FAM220A: variants seen among roughly 807,000 people sequenced by gnomAD.
FAM220A encodes protein FAM220A.
For synonymous variants in FAM220A, 141 were observed against 130.7 expected (o/e 1.08, Z -0.54); for missense variants, 392 against 321.6 (o/e 1.22, Z -1.68).
At chr7:6,335,181 G>C (rs1185805556) in intron 1 of FAM220A, among the ~76,000 whole-genome samples, 2 of 151,736 alleles carry the variant, frequency 1.3e-5, no homozygotes, top group African/African-American at 4.8e-5. Flanking sequence ...TCCTGCATCA[G>C]CCTCCCAAGT....
At chr7:6,333,605 C>T (rs1192926900) in intron 1 of FAM220A, among the ~76,000 whole-genome samples, 3 of 151,254 alleles carry the variant, frequency 2.0e-5, no homozygotes, top group Non-Finnish European at 4.4e-5. Flanking sequence ...CTCAAGCAAT[C>T]CTCCTAATTC....
At position 6,331,247 on chromosome 7, in the gene FAM220A, A is replaced by G; in HGVS notation, c.-81-12T>C. Reference sequence around the variant, plus strand: ...ATCTCAATATGAACCTAGGAAAGGGAATCAAATTAAAGTTCTAAAATGAAG... The same window carrying G: ...ATCTCAATATGAACCTAGGAAAGGGGATCAAATTAAAGTTCTAAAATGAAG... On this transcript the variant is annotated splice_polypyrimidine_tract_variant and intron_variant, in intron 1 of 1. Transcript: ENST00000313324. The G allele has an allele frequency of 7.7e-7, 1 of 1,295,030 alleles. No homozygotes were observed. Among genetic ancestry groups the G allele is most frequent in the Non-Finnish European group, 1.1e-6 (1 of 947,188 alleles). The allele number at this position is 1,295,030 out of a possible 1,614,324, so 80.2% of individuals were successfully genotyped here. A position where few individuals can be genotyped will look rare whatever the true frequency, so the allele number is the denominator to read the frequency against.
At chr7:6,334,810 C>T (rs1781713313) in intron 1 of FAM220A, among the ~76,000 whole-genome samples, 1 of 150,854 alleles carries the variant, frequency 6.6e-6, no homozygotes, top group Admixed American at 6.6e-5. Flanking sequence ...CACTCGTTAC[C>T]CAGGCTGGAG....
chr7:6,332,322 T>C (rs1178201014), intron 1 of FAM220A, among the ~76,000 whole-genome samples: 1 of 152,020 alleles, frequency 6.6e-6, no homozygotes, highest in Non-Finnish European at 1.5e-5. Flanking sequence ...GTCTAATTAG[T>C]TTAATTAAAC....
intron 1 of FAM220A, among the ~76,000 whole-genome samples, chr7:6,336,619 G>A (rs372575186): frequency 4.0e-5 from 6 of 151,836 alleles, no homozygotes; most frequent in South Asian, 2.1e-4. Flanking sequence ...AGGAAGCAGA[G>A]GCTGCCGTGA....
chr7:6,342,856 G>C (rs1193079377), intron 1 of FAM220A, among the ~76,000 whole-genome samples: 1 of 151,820 alleles, frequency 6.6e-6, no homozygotes, highest in Non-Finnish European at 1.5e-5. Context: ...GGGCAACATA[G>C]TGAGACCCCA....
In FAM220A at chr7:6,330,108, C is replaced by G. The variant is rs1781598132; in HGVS notation, c.*267G>C. ...TCATGGTAAATCCGTATGTTCTAAT[C>G]TGGTATTTATACAGGCTATGATCGT... On this transcript the variant is annotated 3_prime_UTR_variant, in exon 2 of 2. Coordinates refer to ENST00000313324, the MANE Select transcript of FAM220A (RefSeq NM_001037163.2). 4.5e-6 allele frequency: 2 copies of G among 443,690 alleles called. No homozygotes were observed. The highest frequency in any genetic ancestry group is 8.3e-6 in the Non-Finnish European group (2 of 241,068). The allele number at this position is 443,690 out of a possible 1,614,324, so 27.5% of individuals were successfully genotyped here. A position where few individuals can be genotyped will look rare whatever the true frequency, so the allele number is the denominator to read the frequency against.
At chr7:6,336,655 G>A (rs568168928) in intron 1 of FAM220A, among the ~76,000 whole-genome samples, 2 of 150,720 alleles carry the variant, frequency 1.3e-5, no homozygotes, top group Middle Eastern at 3.4e-3. Context: ...CTGTACTCCA[G>A]CCTGAGAGAG....
intron 1 of FAM220A, among the ~76,000 whole-genome samples, chr7:6,341,280 G>T (rs988579641): frequency 5.4e-5 from 8 of 148,378 alleles, no homozygotes; most frequent in Non-Finnish European, 1.0e-4. Context: ...CCATCTCTAC[G>T]AAAATACAAA....
chr7:6,330,802 G>A lies in FAM220A; in HGVS notation c.353C>T (p.Ser118Phe), dbSNP rs1207917995. The change falls in exon 2 of 2, where the codon TCC (serine) becomes TTC (phenylalanine). Residue 118 changes from serine (S) to phenylalanine (F), a missense_variant. Ser to Phe is a radical substitution (Grantham distance 155). Transcript: ENST00000313324. Reference sequence around the variant, plus strand: ...CCCCAGAGCTTCAACACCACTGCAGGACACCCGAGCAAAACACTCTGTTGG... The same window carrying A: ...CCCCAGAGCTTCAACACCACTGCAGAACACCCGAGCAAAACACTCTGTTGG... ...PAPTECFARV[S>F]CSGVEALGRR... is the part of the protein sequence containing the mutation. 1.2e-6 allele frequency: 2 copies of A among 1,614,066 alleles called. No individual in the cohort carries two copies. Among genetic ancestry groups the A allele is most frequent in the African/African-American group, 1.3e-5 (1 of 74,932 alleles).
intron 1 of FAM220A, among the ~76,000 whole-genome samples, chr7:6,336,634 A>C (rs1781752826): frequency 1.3e-5 from 2 of 151,678 alleles, no homozygotes; most frequent in South Asian, 4.2e-4. Context: ...CCGTGAGCCA[A>C]GATGGCACCA....
chr7:6,337,452 T>C (rs1317570888), intron 1 of FAM220A, among the ~76,000 whole-genome samples: 1 of 151,770 alleles, frequency 6.6e-6, no homozygotes, highest in Non-Finnish European at 1.5e-5. Flanking sequence ...AAACAGGTCA[T>C]ATAATATGGG....
intron 1 of FAM220A, among the ~76,000 whole-genome samples, chr7:6,340,124 A>G (rs1377133772): frequency 6.6e-6 from 1 of 151,852 alleles, no homozygotes; most frequent in African/African-American, 2.4e-5. Flanking sequence ...ACCTCAGGTG[A>G]TCCGCCCGCC....
intron 1 of FAM220A, among the ~76,000 whole-genome samples, chr7:6,333,727 G>T (rs1207248119): frequency 1.3e-5 from 2 of 149,520 alleles, no homozygotes; most frequent in African/African-American, 4.9e-5. Context: ...AGAAAGGAAA[G>T]TGCACTTCGA....
chr7:6,346,634 G>A (rs1343360286), intron 1 of FAM220A, among the ~76,000 whole-genome samples: 1 of 152,124 alleles, frequency 6.6e-6, no homozygotes, highest in Non-Finnish European at 1.5e-5. Context: ...AGACACCTTG[G>A]CCTCCCAAAG....
chr7:6,336,952 C>A (rs775556763), intron 1 of FAM220A, among the ~76,000 whole-genome samples: 21 of 152,024 alleles, frequency 1.4e-4, no homozygotes, highest in Non-Finnish European at 2.6e-4. Flanking sequence ...CCATGGCTGG[C>A]CATATTCTTT....
At chr7:6,337,747 A>C (rs900018416) in intron 1 of FAM220A, among the ~76,000 whole-genome samples, 1 of 151,738 alleles carries the variant, frequency 6.6e-6, no homozygotes, top group African/African-American at 2.4e-5. Flanking sequence ...GTACTTTAGT[A>C]TTCAGTAATA....
At chr7:6,331,491 G>C (rs534377910) in intron 1 of FAM220A, among the ~76,000 whole-genome samples, 1 of 151,626 alleles carries the variant, frequency 6.6e-6, no homozygotes, top group African/African-American at 2.4e-5. Flanking sequence ...TTTTGAGACA[G>C]AGTCTTGCTC....
chr7:6,340,249 C>A (rs1477356651), intron 1 of FAM220A, among the ~76,000 whole-genome samples: 1 of 152,158 alleles, frequency 6.6e-6, no homozygotes, highest in South Asian at 2.1e-4. Flanking sequence ...GACTACTCTT[C>A]TCTGACTAGC....
Sources: gnomAD v4.1 joint callset for allele counts (sites outside exome capture counted in the v4.1 genomes callset) on GRCh38, gnomAD v4.1.1 for gene constraint, MANE v1.5 for transcripts, NCBI Gene and HGNC (gene_info 2026-07-23, HGNC 2026-07-21) for gene names.